The following ATRN variants were observed in gnomAD, a reference collection of about 807,000 sequenced individuals.
ATRN encodes attractin-2.
A neutral mutation model predicts 178.7 loss-of-function variants in ATRN; 54 were observed. The observed-to-expected ratio is 0.30, with a 90% CI of 0.24 to 0.38. The LOEUF (loss-of-function observed/expected upper bound fraction) is 0.38, where lower values mean the gene tolerates loss of function less well. Ranked by LOEUF, ATRN falls within the 10% of genes least tolerant of loss-of-function variation. ATRN has a pLI of 1.00. For synonymous variants in ATRN, 636 were observed against 663.0 expected (o/e 0.96, Z 0.63); for missense variants, 1,443 against 1,815.1 (o/e 0.79, Z 3.73).
intron 11 of ATRN, among the ~76,000 whole-genome samples, chr20:3,568,118 A>G (rs781163537): frequency 6.6e-6 from 1 of 151,238 alleles, no homozygotes; most frequent in Non-Finnish European, 1.5e-5. Context: ...GTGAAACTCC[A>G]TCTCTACTAA....
intron 1 of ATRN, among the ~76,000 whole-genome samples, chr20:3,492,854 G>GAGACGC (rs1555807888): frequency 7.6e-6 from 1 of 132,432 alleles, no homozygotes; most frequent in Non-Finnish European, 1.6e-5. Context: ...GAGAGAGAGA[G>GAGACGC]GCGCGCGCGC....
intron 1 of ATRN, among the ~76,000 whole-genome samples, chr20:3,526,311 AG>A (rs2085364305): frequency 6.6e-6 from 1 of 152,214 alleles, no homozygotes; most frequent in African/African-American, 2.4e-5. Flanking sequence ...CAAACTCATG[AG>A]AGCCAAATAA....
chr20:3,543,375 TG>T (rs1318199944), intron 3 of ATRN, among the ~76,000 whole-genome samples: 3 of 152,244 alleles, frequency 2.0e-5, no homozygotes, highest in South Asian at 4.1e-4. Flanking sequence ...ATCACTGTTT[TG>T]TAACTCCTGG....
intron 11 of ATRN, among the ~76,000 whole-genome samples, chr20:3,569,438 A>T (rs1483141202): frequency 1.3e-5 from 2 of 152,166 alleles, no homozygotes; most frequent in Admixed American, 6.5e-5. Context: ...AATGCAATAT[A>T]AAAGATAAAA....
At chr20:3,474,469 G>A (rs534269674) in intron 1 of ATRN, among the ~76,000 whole-genome samples, 1 of 152,146 alleles carries the variant, frequency 6.6e-6, no homozygotes, top group Non-Finnish European at 1.5e-5. Context: ...AGCACTTTGG[G>A]AGGCCGAGGC....
intron 26 of ATRN, among the ~76,000 whole-genome samples, chr20:3,634,795 A>G (rs534365336): frequency 6.6e-6 from 1 of 152,334 alleles, no homozygotes; most frequent in African/African-American, 2.4e-5. Context: ...TAAGCATCTC[A>G]AAAATTTTTC....
At chr20:3,576,458 T>C (rs1251461023) in intron 13 of ATRN, among the ~76,000 whole-genome samples, 1 of 152,152 alleles carries the variant, frequency 6.6e-6, no homozygotes, top group African/African-American at 2.4e-5. Flanking sequence ...AAGACTTTTT[T>C]TTTTGTCAGT....
rs1206655553 is a variant in ATRN at position 3,629,317 on chromosome 20, TATTC to T, written c.3863+4747_3863+4750del. The T allele has an allele frequency of 5.1e-6, 5 of 984,720 alleles. No homozygotes were observed. The African/African-American group carries it at 8.7e-5, about 17-fold the overall frequency. 61.0% of individuals were successfully genotyped at this position (984,720 alleles called of 1,614,324 possible). ...GGGTGAACTGGCGTCCGCTTTTCCATATTCAGCTTGCACTCTTCTCTTCCACATT... is the reference window on the plus strand; with the variant it reads ...GGGTGAACTGGCGTCCGCTTTTCCATAGCTTGCACTCTTCTCTTCCACATT... On this transcript the variant is annotated intron_variant, in intron 25 of 28. Coordinates refer to ENST00000262919, the MANE Select transcript of ATRN (RefSeq NM_139321.3).
chr20:3,617,346 TAA>T (rs556537190), intron 24 of ATRN, among the ~76,000 whole-genome samples: 336 of 152,254 alleles, frequency 2.2e-3, no homozygotes, highest in African/African-American at 7.6e-3. Context: ...TTGAAATAGT[TAA>T]GAGGGAAATG....
At chr20:3,472,845 C>T (rs2146049883) in intron 1 of ATRN, among the ~76,000 whole-genome samples, 1 of 152,238 alleles carries the variant, frequency 6.6e-6, no homozygotes, top group South Asian at 2.1e-4. Flanking sequence ...AAGAAGGGTG[C>T]AAACAAAGTT....
chr20:3,615,557 CTTTTTTTT>C (rs553919921), intron 24 of ATRN, among the ~76,000 whole-genome samples: 2 of 133,264 alleles, frequency 1.5e-5, no homozygotes, highest in East Asian at 4.3e-4. Flanking sequence ...TTTCTTTTTT[CTTTTTTTT>C]TTTTTTTGGA....
chr20:3,559,789 A>G (rs1346570170), intron 7 of ATRN, among the ~76,000 whole-genome samples: 1 of 152,182 alleles, frequency 6.6e-6, no homozygotes, highest in Admixed American at 6.5e-5. Context: ...GAATAGCCAC[A>G]TTGTAATGTG....
At chr20:3,536,851 A>G (rs753850782) in intron 2 of ATRN, among the ~76,000 whole-genome samples, 18 of 152,196 alleles carry the variant, frequency 1.2e-4, no homozygotes, top group Admixed American at 8.5e-4. Flanking sequence ...ACAGTATTTT[A>G]AAATTATTGT....
intron 7 of ATRN, among the ~76,000 whole-genome samples, chr20:3,560,323 G>GTCAT (rs2085933811): frequency 1.3e-5 from 2 of 152,222 alleles, no homozygotes; most frequent in South Asian, 4.1e-4. Context: ...ATGACTGGAT[G>GTCAT]TCATTCTTTT....
chr20:3,557,376 G>A lies in ATRN; in HGVS notation c.1113-2017G>A, dbSNP rs537833011. 3.9e-5 allele frequency among the ~76,000 whole-genome samples: 6 copies of A among 152,284 alleles called. No individual in the cohort carries two copies. In the South Asian group the frequency reaches 1.0e-3, roughly 26 times the overall value. ...CTCCGTAGCAACATTTTCAGTACCA[G>A]CAGTGTTCAAGGGAGCAACATCTGC... is the stretch of plus-strand genomic sequence containing the variant. On this transcript the variant is annotated intron_variant, in intron 6 of 28. Coordinates refer to ENST00000262919, the MANE Select transcript of ATRN (RefSeq NM_139321.3).
rs954610999 is a variant in ATRN at position 3,645,436 on chromosome 20, G to A, written c.4165+1168G>A. Among the ~76,000 whole-genome samples the A allele has an allele frequency of 6.6e-6, 1 of 152,200 alleles. No homozygotes were observed. Among genetic ancestry groups the A allele is most frequent in the Admixed American group, 6.5e-5 (1 of 15,288 alleles). ...GTGTTGAGGACAGGACAACTCTCTC[G>A]TCTGTCACTCAAGTGCAGTTTGTGT... On this transcript the variant is annotated intron_variant, in intron 28 of 28. Transcript: ENST00000262919. The surrounding 1 kb of genome is among the most constrained non-coding windows in gnomAD (Gnocchi z 4.7).
rs2087040565 is a variant in ATRN, at chr20:3,638,239, G to T, written c.3943-589G>T. ...TATCAGCCTGTTATCTAGGTTTTAA[G>T]CCCTGCATGCATTTGGTATTTGTCC... On this transcript the variant is annotated intron_variant, in intron 26 of 28. Transcript: ENST00000262919. This position sits in a 1 kb window ranked among gnomAD's most constrained non-coding sequence, Gnocchi z 4.5. Among the ~76,000 whole-genome samples, 1 of 152,070 alleles carries T rather than the reference G, an allele frequency of 6.6e-6. No individual in the cohort carries two copies. The highest frequency in any genetic ancestry group is 1.5e-5 in the Non-Finnish European group (1 of 68,002).
intron 2 of ATRN, among the ~76,000 whole-genome samples, chr20:3,536,279 G>A (rs924631284): frequency 4.6e-5 from 7 of 151,944 alleles, no homozygotes; most frequent in African/African-American, 1.7e-4. Context: ...TGTGATCTTG[G>A]CTCACTGCAA....
At chr20:3,641,265 G>A (rs1003036023) in intron 27 of ATRN, among the ~76,000 whole-genome samples, 11 of 152,144 alleles carry the variant, frequency 7.2e-5, no homozygotes, top group Non-Finnish European at 1.3e-4. Context: ...GATGGTAAAT[G>A]TTATGTGTAT....
Sources: gnomAD v4.1 joint callset for allele counts (sites outside exome capture counted in the v4.1 genomes callset) on GRCh38, gnomAD v4.1.1 for gene constraint, Gnocchi (gnomAD v3.1) non-coding constraint, MANE v1.5 for transcripts, NCBI Gene and HGNC (gene_info 2026-07-23, HGNC 2026-07-21) for gene names.